Variants in ARHGAP15 observed in about 807,000 individuals in gnomAD.
The protein encoded by ARHGAP15 is rho GTPase-activating protein 15.
A neutral mutation model predicts 63.7 loss-of-function variants in ARHGAP15; 51 were observed. That is an observed-to-expected ratio of 0.80 (90% CI 0.64 to 1.01). The LOEUF (loss-of-function observed/expected upper bound fraction) is 1.01. Ranked by LOEUF, ARHGAP15 falls within the 50% of genes least tolerant of loss-of-function variation. The probability of loss-of-function intolerance (pLI) is 0.00; values close to 1 mark genes in which losing one functional copy is unlikely to be tolerated. For synonymous variants in ARHGAP15, 191 were observed against 193.8 expected (o/e 0.99, Z 0.12); for missense variants, 560 against 564.6 (o/e 0.99, Z 0.08).
At chr2:143,701,159 A>C (rs1428001670) in intron 12 of ARHGAP15, among the ~76,000 whole-genome samples, 1 of 152,158 alleles carries the variant, frequency 6.6e-6, no homozygotes, top group African/African-American at 2.4e-5. Flanking sequence ...TTCCAAGCAG[A>C]GTTCTACTAG....
intron 6 of ARHGAP15, among the ~76,000 whole-genome samples, chr2:143,313,759 T>A (rs1683556786): frequency 6.6e-6 from 1 of 152,204 alleles, no homozygotes; most frequent in African/African-American, 2.4e-5. Context: ...GCTTTGCTAA[T>A]GTGTCTTCTG....
intron 13 of ARHGAP15, among the ~76,000 whole-genome samples, chr2:143,765,791 AGACTGCCTG>A (rs1425797078): frequency 6.6e-6 from 1 of 152,096 alleles, no homozygotes; most frequent in African/African-American, 2.4e-5. Context: ...TACTGGACCC[AGACTGCCTG>A]GGCAGTCTGG....
At chr2:143,356,335 T>C (rs992160763) in intron 6 of ARHGAP15, among the ~76,000 whole-genome samples, 5 of 152,116 alleles carry the variant, frequency 3.3e-5, no homozygotes, top group African/African-American at 1.2e-4. Flanking sequence ...TCTTGAGCAA[T>C]GATCTTTGTA....
chr2:143,760,716 A>G (rs138915675), intron 13 of ARHGAP15, among the ~76,000 whole-genome samples: 1 of 152,166 alleles, frequency 6.6e-6, no homozygotes, highest in Non-Finnish European at 1.5e-5. Context: ...CTCCTTTGCT[A>G]TAATGTACTA....
At chr2:143,300,126 A>G (rs375716113) in intron 6 of ARHGAP15, among the ~76,000 whole-genome samples, 61 of 152,156 alleles carry the variant, frequency 4.0e-4, no homozygotes, top group Middle Eastern at 6.8e-3. Context: ...AAAGGGGCAT[A>G]AAGTCTGGGA....
chr2:143,341,130 G>A (rs1685040747), intron 6 of ARHGAP15, among the ~76,000 whole-genome samples: 1 of 151,964 alleles, frequency 6.6e-6, no homozygotes, highest in African/African-American at 2.4e-5. Context: ...TCCTGCTTTT[G>A]TGGTCCTGTC....
chr2:143,232,365 A>T (rs908197658), intron 5 of ARHGAP15, among the ~76,000 whole-genome samples: 1 of 152,162 alleles, frequency 6.6e-6, no homozygotes, highest in Non-Finnish European at 1.5e-5. Context: ...TCTTTTGCTC[A>T]TCAAGACAGG....
At chr2:143,667,335 C>A (rs896154949) in intron 12 of ARHGAP15, among the ~76,000 whole-genome samples, 1 of 145,430 alleles carries the variant, frequency 6.9e-6, no homozygotes, top group Non-Finnish European at 1.5e-5. Context: ...AAACCAAACA[C>A]CGCATATTCT....
At chr2:143,351,294 G>A (rs566451161) in intron 6 of ARHGAP15, 1 of 152,242 alleles carries the variant, frequency 6.6e-6, no homozygotes, top group Non-Finnish European at 1.5e-5. Context: ...GGTTCATCAT[G>A]ATTGATATAT....
intron 1 of ARHGAP15, among the ~76,000 whole-genome samples, chr2:143,148,530 C>A (rs1325675599): frequency 1.3e-5 from 2 of 151,940 alleles, no homozygotes; most frequent in Admixed American, 1.3e-4. Flanking sequence ...ACATTTTCAC[C>A]ATTTAAGATG....
chr2:143,624,226 T>TCTTCCCTTA lies in ARHGAP15; in HGVS notation c.1099_1107dup (p.Phe367_Tyr369dup). 2 of 1,613,444 alleles carry TCTTCCCTTA rather than the reference T, an allele frequency of 1.2e-6. No homozygotes were observed. Among genetic ancestry groups the TCTTCCCTTA allele is most frequent in the Non-Finnish European group, 1.7e-6 (2 of 1,179,618 alleles). Reference sequence around the variant, plus strand: ...TTTTTCCGGGAGCTGCCTGAGCCGCTCTTCCCTTACAGTTTCTTTGAGCAG... The same window carrying TCTTCCCTTA: ...TTTTTCCGGGAGCTGCCTGAGCCGCTCTTCCCTTACTTCCCTTACAGTTTCTTTGAGCAG... On this transcript the variant is annotated inframe_insertion, in exon 12 of 14. Transcript: ENST00000295095.
At chr2:143,542,220 T>G (rs570974663) in intron 10 of ARHGAP15, among the ~76,000 whole-genome samples, 1 of 152,304 alleles carries the variant, frequency 6.6e-6, no homozygotes, top group East Asian at 1.9e-4. Context: ...GTTAAGCCCA[T>G]TGGAAGAGCA....
intron 3 of ARHGAP15, among the ~76,000 whole-genome samples, chr2:143,207,814 T>C (rs1307262687): frequency 6.6e-6 from 1 of 152,200 alleles, no homozygotes; most frequent in African/African-American, 2.4e-5. Flanking sequence ...TGATTGATTA[T>C]AGACCATTCA....
At chr2:143,550,555 A>G (rs1409498300) in intron 10 of ARHGAP15, among the ~76,000 whole-genome samples, 1 of 152,222 alleles carries the variant, frequency 6.6e-6, no homozygotes, top group African/African-American at 2.4e-5. Flanking sequence ...TGTATTAACC[A>G]CGTTTCAAGT....
chr2:143,474,125 GC>G (rs1278640293), intron 8 of ARHGAP15, among the ~76,000 whole-genome samples: 65 of 152,138 alleles, frequency 4.3e-4, no homozygotes, highest in African/African-American at 1.5e-3. Flanking sequence ...AGTGACATCT[GC>G]ATCTGTAGGG....
At chr2:143,537,650 G>T (rs1282110841) in intron 10 of ARHGAP15, among the ~76,000 whole-genome samples, 3 of 152,268 alleles carry the variant, frequency 2.0e-5, no homozygotes, top group South Asian at 4.1e-4. Flanking sequence ...TTTCCCCATT[G>T]CTTGTTTTTG....
chr2:143,633,258 T>G (rs996852340), intron 12 of ARHGAP15, among the ~76,000 whole-genome samples: 16 of 152,160 alleles, frequency 1.1e-4, no homozygotes, highest in Non-Finnish European at 5.9e-5. Context: ...TCTTAACTCA[T>G]TCTAATTATA....
intron 2 of ARHGAP15, among the ~76,000 whole-genome samples, chr2:143,184,604 GTCAA>G (rs1262421158): frequency 6.6e-6 from 1 of 151,764 alleles, no homozygotes; most frequent in Non-Finnish European, 1.5e-5. Context: ...GACTGATTTT[GTCAA>G]TCAAATGACA....
chr2:143,296,378 A>G (rs1368597246), intron 6 of ARHGAP15, among the ~76,000 whole-genome samples: 2 of 152,108 alleles, frequency 1.3e-5, no homozygotes, highest in Non-Finnish European at 1.5e-5. Context: ...AAGAAAGAAA[A>G]CAGCTTTCAT....
Sources: gnomAD v4.1 joint callset for allele counts (sites outside exome capture counted in the v4.1 genomes callset) on GRCh38, gnomAD v4.1.1 for gene constraint, MANE v1.5 for transcripts, NCBI Gene and HGNC (gene_info 2026-07-23, HGNC 2026-07-21) for gene names.